Variants in PRKN observed in about 807,000 individuals in gnomAD.
The protein encoded by PRKN is E3 ubiquitin-protein ligase parkin.
A neutral mutation model predicts 59.5 loss-of-function variants in PRKN; 56 were observed. The observed-to-expected ratio is 0.94, with a 90% CI of 0.76 to 1.18. PRKN has a LOEUF of 1.18. Ranked by LOEUF, PRKN falls within the 50% of genes most tolerant of loss-of-function variation. The probability of loss-of-function intolerance (pLI) is 0.00; values close to 1 mark genes in which losing one functional copy is unlikely to be tolerated. For missense variants in PRKN, 657 were observed against 596.4 expected (o/e 1.10, Z -1.06); for synonymous variants, 250 against 222.1 (o/e 1.13, Z -1.12).
intron 6 of PRKN, among the ~76,000 whole-genome samples, chr6:161,951,029 G>A (rs921251358): frequency 3.8e-5 from 4 of 106,430 alleles, no homozygotes; most frequent in Non-Finnish European, 7.6e-5. Flanking sequence ...TTTTTTACAT[G>A]TCAAAGAGGA....
At chr6:162,147,056 C>G (rs1782061688) in intron 4 of PRKN, among the ~76,000 whole-genome samples, 1 of 149,284 alleles carries the variant, frequency 6.7e-6, no homozygotes, top group South Asian at 2.2e-4. Context: ...TAAAAAGATG[C>G]AGGGCTGGGT....
rs1179799467 is a variant in PRKN, at chr6:162,162,962, C to T, written c.534+38169G>A. On this transcript the variant is annotated intron_variant, in intron 4 of 11. Transcript: ENST00000366898. ...GGCAGAGGTTGCAGTGAGCCGAGAT[C>T]GTGCCACTGTACTCCAGCCTGGGCG... Among the ~76,000 whole-genome samples, 6 of 148,742 alleles carry T rather than the reference C, an allele frequency of 4.0e-5. 1 individual carries two copies. The highest frequency in any genetic ancestry group is 1.3e-4 in the African/African-American group (5 of 39,444).
intron 6 of PRKN, among the ~76,000 whole-genome samples, chr6:161,960,255 C>G (rs767347907): frequency 3.9e-5 from 6 of 152,160 alleles, no homozygotes; most frequent in Non-Finnish European, 8.8e-5. Context: ...AGGACAGAGG[C>G]AAAAGATGGC....
intron 1 of PRKN, among the ~76,000 whole-genome samples, chr6:162,725,480 C>T (rs1350966822): frequency 6.6e-6 from 1 of 152,160 alleles, no homozygotes; most frequent in East Asian, 1.9e-4. Flanking sequence ...GCTAATGAGG[C>T]TGGGCGTGGT....
At chr6:161,622,029 G>T (rs953625781) in intron 7 of PRKN, among the ~76,000 whole-genome samples, 2 of 152,110 alleles carry the variant, frequency 1.3e-5, no homozygotes, top group African/African-American at 4.8e-5. Flanking sequence ...CTCAGTATCT[G>T]CTGGTGTAAC....
chr6:161,641,851 T>C (rs1783751573), intron 7 of PRKN, among the ~76,000 whole-genome samples: 2 of 152,238 alleles, frequency 1.3e-5, no homozygotes, highest in South Asian at 2.1e-4. Flanking sequence ...GTACCATTCC[T>C]GTAAATTCCC....
intron 7 of PRKN, among the ~76,000 whole-genome samples, chr6:161,636,285 C>A (rs558029755): frequency 2.2e-4 from 33 of 152,354 alleles, no homozygotes; most frequent in Non-Finnish European, 4.4e-4. Flanking sequence ...TGTCTCCCAG[C>A]CCTGATTTGT....
In PRKN at chr6:161,641,877, A is replaced by G. The variant is rs545541477; in HGVS notation, c.872-72461T>C. 2.8e-3 allele frequency among the ~76,000 whole-genome samples: 430 copies of G among 152,350 alleles called. 1 individual carries two copies. Among genetic ancestry groups the G allele is most frequent in the Non-Finnish European group, 4.2e-3 (287 of 68,026 alleles). On this transcript the variant is annotated intron_variant, in intron 7 of 11. Coordinates refer to ENST00000366898, the MANE Select transcript of PRKN (RefSeq NM_004562.3). The stretch of plus-strand genomic sequence containing the variant: ...GTAAATTCCCTTGCAGACAACATTA[A>G]AAGGCAGGCCACCTACCAATGAACC...
chr6:162,613,171 A>G (rs1342973628), intron 1 of PRKN, among the ~76,000 whole-genome samples: 1 of 152,208 alleles, frequency 6.6e-6, no homozygotes, highest in Admixed American at 6.5e-5. Flanking sequence ...CTAAAGCTGC[A>G]GGATATCCAA....
At chr6:162,388,168 G>A (rs1424120805) in intron 2 of PRKN, among the ~76,000 whole-genome samples, 3 of 152,116 alleles carry the variant, frequency 2.0e-5, no homozygotes, top group East Asian at 3.9e-4. Flanking sequence ...CAGTGGCAAT[G>A]GACCAGGTTT....
At chr6:162,458,486 A>C (rs1322569966) in intron 1 of PRKN, among the ~76,000 whole-genome samples, 1 of 151,850 alleles carries the variant, frequency 6.6e-6, no homozygotes, top group Non-Finnish European at 1.5e-5. Context: ...TATCTAAGAA[A>C]AATATTTCCT....
At chr6:162,263,868 C>A (rs1780007866) in intron 2 of PRKN, among the ~76,000 whole-genome samples, 1 of 151,744 alleles carries the variant, frequency 6.6e-6, no homozygotes, top group Non-Finnish European at 1.5e-5. Context: ...GCAGGAGGAT[C>A]ACTTGAACGC....
chr6:162,159,194 A>G (rs1238757162), intron 4 of PRKN, among the ~76,000 whole-genome samples: 1 of 152,106 alleles, frequency 6.6e-6, no homozygotes, highest in African/African-American at 2.4e-5. Context: ...TATCGTAAAT[A>G]CTGTTTTCTA....
intron 4 of PRKN, among the ~76,000 whole-genome samples, chr6:162,139,014 T>C (rs1781665651): frequency 6.6e-6 from 1 of 151,996 alleles, no homozygotes; most frequent in East Asian, 1.9e-4. Context: ...AAAGCAAGAG[T>C]GGGGGCTAAG....
chr6:162,529,200 T>G (rs1384359442), intron 1 of PRKN, among the ~76,000 whole-genome samples: 1 of 152,124 alleles, frequency 6.6e-6, no homozygotes, highest in Non-Finnish European at 1.5e-5. Flanking sequence ...AGTGATACAT[T>G]TATACTGATT....
At chr6:161,523,647 T>C (rs1778917613) in intron 9 of PRKN, among the ~76,000 whole-genome samples, 2 of 152,230 alleles carry the variant, frequency 1.3e-5, no homozygotes, top group South Asian at 4.1e-4. Flanking sequence ...AAAGTCCCTA[T>C]TGCTAACATT....
chr6:161,750,435 T>C (rs1432977615), intron 7 of PRKN, among the ~76,000 whole-genome samples: 1 of 152,116 alleles, frequency 6.6e-6, no homozygotes, highest in Non-Finnish European at 1.5e-5. Flanking sequence ...CATGGCATGT[T>C]TTTTTCTTCC....
At chr6:162,200,249 T>G (rs1198490996) in intron 4 of PRKN, among the ~76,000 whole-genome samples, 1 of 152,048 alleles carries the variant, frequency 6.6e-6, no homozygotes, top group Non-Finnish European at 1.5e-5. Flanking sequence ...TGCCCTCTAT[T>G]GCAACCACAT....
At chr6:162,693,131 C>G (rs920267514) in intron 1 of PRKN, among the ~76,000 whole-genome samples, 6 of 152,200 alleles carry the variant, frequency 3.9e-5, no homozygotes, top group African/African-American at 1.4e-4. Context: ...CAACTGCAAA[C>G]TGGACTATTT....
Sources: gnomAD v4.1 joint callset for allele counts (sites outside exome capture counted in the v4.1 genomes callset) on GRCh38, gnomAD v4.1.1 for gene constraint, MANE v1.5 for transcripts, NCBI Gene and HGNC (gene_info 2026-07-23, HGNC 2026-07-21) for gene names.